The following FBLN1 variants were observed in gnomAD, a reference collection of about 807,000 sequenced individuals.
FBLN1 encodes fibulin-1.
A neutral mutation model predicts 89.7 loss-of-function variants in FBLN1; 34 were observed. The observed-to-expected ratio is 0.38, with a 90% CI of 0.29 to 0.50. The LOEUF (loss-of-function observed/expected upper bound fraction) is 0.50, where lower values mean the gene tolerates loss of function less well. Ranked by LOEUF, FBLN1 falls within the 20% of genes least tolerant of loss-of-function variation. FBLN1 has a pLI of 0.92. For missense variants in FBLN1, 777 were observed against 988.1 expected, an observed-to-expected ratio of 0.79 and a Z score of 2.86; for synonymous variants, 393 against 391.3, an observed-to-expected ratio of 1.00 and a Z score of -0.05.
chr22:45,505,103 G>T (rs1448454685), intron 1 of FBLN1, among the ~76,000 whole-genome samples: 1 of 152,208 alleles, frequency 6.6e-6, no homozygotes, highest in Non-Finnish European at 1.5e-5. Context: ...GGAGAAGGGC[G>T]CTGATCTTTC....
intron 4 of FBLN1, among the ~76,000 whole-genome samples, chr22:45,529,779 A>G (rs1417136655): frequency 2.0e-5 from 3 of 152,210 alleles, no homozygotes; most frequent in African/African-American, 7.2e-5. Flanking sequence ...GGCAGGGAGA[A>G]TCGCTTGAAC....
chr22:45,541,879 C>G (rs1209150306), intron 9 of FBLN1, among the ~76,000 whole-genome samples: 1 of 152,200 alleles, frequency 6.6e-6, no homozygotes, highest in East Asian at 1.9e-4. Context: ...CTCGCATAAC[C>G]CCCAGGACAC....
At chr22:45,524,559 C>T (rs2088294394) in intron 2 of FBLN1, among the ~76,000 whole-genome samples, 1 of 152,182 alleles carries the variant, frequency 6.6e-6, no homozygotes, top group South Asian at 2.1e-4. Flanking sequence ...CTCTCAGAAG[C>T]TGTTTGCTCT....
intron 16 of FBLN1, among the ~76,000 whole-genome samples, chr22:45,589,444 A>G (rs2089116968): frequency 1.3e-5 from 2 of 152,208 alleles, no homozygotes; most frequent in African/African-American, 2.4e-5. Context: ...TGTTCAGTCC[A>G]TGGCAGCGCA....
intron 12 of FBLN1, among the ~76,000 whole-genome samples, chr22:45,547,522 A>G: frequency 6.7e-6 from 1 of 149,846 alleles, no homozygotes; most frequent in African/African-American, 2.5e-5. Context: ...CAGCCTCCCA[A>G]GTAGTTGGGA....
chr22:45,580,337 G>A lies in FBLN1; in HGVS notation c.1972+3229G>A, dbSNP rs1000486115. 5.9e-5 allele frequency among the ~76,000 whole-genome samples: 9 copies of A among 152,140 alleles called. No homozygotes were observed. Among genetic ancestry groups the A allele is most frequent in the East Asian group, 1.9e-4 (1 of 5,150 alleles). On this transcript the variant is annotated intron_variant, in intron 16 of 16. Transcript: ENST00000327858. This position sits in a 1 kb window ranked among gnomAD's most constrained non-coding sequence, Gnocchi z 8.6. ...CTGCCTGCAGCACACGGCAGGGAAC[G>A]CCGCCTACTCACGGTGCTTGCTGAA...
intron 14 of FBLN1, chr22:45,558,253 T>G (rs1271154484): frequency 3.8e-6 from 2 of 530,458 alleles, no homozygotes; most frequent in African/African-American, 1.9e-5. Context: ...ATGCTGCTGT[T>G]CATGACCAAC....
intron 10 of FBLN1, 99 bp downstream of exon 10, chr22:45,542,382 C>T (rs944188458): frequency 1.9e-5 from 28 of 1,486,948 alleles, no homozygotes; most frequent in Non-Finnish European, 2.5e-5. Flanking sequence ...ATCCTCATCT[C>T]AGATAATCCC....
At chr22:45,585,809 C>T (rs758436527) in intron 16 of FBLN1, among the ~76,000 whole-genome samples, 7 of 152,152 alleles carry the variant, frequency 4.6e-5, no homozygotes, top group East Asian at 1.9e-4. Context: ...CTCCCTATGT[C>T]GTGACCCCAT....
chr22:45,542,033 G>C, intron 9 of FBLN1, 122 bp from the exon 10 acceptor site: 1 of 1,466,522 alleles, frequency 6.8e-7, no homozygotes, highest in East Asian at 2.3e-5. Flanking sequence ...GTGAAGTCGT[G>C]TTGAAATGGA....
Position 45,556,287 on chromosome 22 carries a change from C to T in FBLN1, c.1697+5672C>T, listed in dbSNP as rs1333862781. The stretch of plus-strand genomic sequence containing the variant: ...CTGGGATTACAGTCGTGAGCCACAG[C>T]ACCTGGCCATGTTTTTAAAAGAAGG... On this transcript the variant is annotated intron_variant, in intron 14 of 16. Coordinates refer to ENST00000327858, the MANE Select transcript of FBLN1 (RefSeq NM_006486.3). The surrounding 1 kb of genome is among the most constrained non-coding windows in gnomAD (Gnocchi z 4.6). Among the ~76,000 whole-genome samples the T allele has an allele frequency of 6.6e-6, 1 of 152,188 alleles. No individual in the cohort carries two copies. The highest frequency in any genetic ancestry group is 2.1e-4 in the South Asian group (1 of 4,830).
chr22:45,525,105 AAGAGAG>A, intron 2 of FBLN1, among the ~76,000 whole-genome samples: 1 of 142,202 alleles, frequency 7.0e-6, no homozygotes, highest in Non-Finnish European at 1.6e-5. Context: ...GAGAAAGGGA[AAGAGAG>A]AGAGAGAGAG....
rs1274525872 is a variant in FBLN1 at position 45,530,271 on chromosome 22, G to A, written c.485-994G>A. ...AGGATTTCTCCTGCATCTCGGGGGTGGATTTTCACTGATTTATGTCTGCAG... is the reference window on the plus strand; with the variant it reads ...AGGATTTCTCCTGCATCTCGGGGGTAGATTTTCACTGATTTATGTCTGCAG... On this transcript the variant is annotated intron_variant, in intron 4 of 16. Coordinates refer to ENST00000327858, the MANE Select transcript of FBLN1 (RefSeq NM_006486.3). This position sits in a 1 kb window ranked among gnomAD's most constrained non-coding sequence, Gnocchi z 5.4. 6.6e-6 allele frequency among the ~76,000 whole-genome samples: 1 copy of A among 151,808 alleles called. No homozygotes were observed. The highest frequency in any genetic ancestry group is 1.5e-5 in the Non-Finnish European group (1 of 67,920).
intron 1 of FBLN1, among the ~76,000 whole-genome samples, chr22:45,510,692 C>G (rs1041163691): frequency 6.6e-6 from 1 of 152,100 alleles, no homozygotes; most frequent in African/African-American, 2.4e-5. Context: ...CATCTGTAGT[C>G]TTAGAAAGAG....
At position 45,575,096 on chromosome 22, in the gene FBLN1, ACTTT is replaced by A. The variant is rs2088985151; in HGVS notation, c.1840+448_1840+451del. Among the ~76,000 whole-genome samples the A allele has an allele frequency of 6.6e-6, 1 of 152,078 alleles. No individual in the cohort carries two copies. The highest frequency in any genetic ancestry group is 2.1e-4 in the South Asian group (1 of 4,808). On this transcript the variant is annotated intron_variant, in intron 15 of 16. Coordinates refer to ENST00000327858, the MANE Select transcript of FBLN1 (RefSeq NM_006486.3). This position sits in a 1 kb window ranked among gnomAD's most constrained non-coding sequence, Gnocchi z 6.3. ...CGCGCCTGGCAACTTGACATGCAGA[ACTTT>A]CTTTGTGTCTGTGTCCCCCCCACAC...
intron 14 of FBLN1, among the ~76,000 whole-genome samples, chr22:45,571,136 AGAAAG>A (rs367725781): frequency 1.4e-5 from 2 of 142,776 alleles, no homozygotes; most frequent in African/African-American, 2.6e-5. Flanking sequence ...AAAAAAAAAA[AGAAAG>A]AAAGAAAAGG....
intron 16 of FBLN1, among the ~76,000 whole-genome samples, chr22:45,586,664 C>T (rs1412726908): frequency 1.3e-5 from 2 of 152,212 alleles, no homozygotes; most frequent in South Asian, 4.1e-4. Context: ...ATGCCTGAGC[C>T]ATCAGGGACT....
At chr22:45,506,827 A>G (rs965542558) in intron 1 of FBLN1, among the ~76,000 whole-genome samples, 1 of 152,234 alleles carries the variant, frequency 6.6e-6, no homozygotes, top group African/African-American at 2.4e-5. Flanking sequence ...GGCTCTGAGC[A>G]CTGGGCACCT....
rs1240252607 is a variant in FBLN1 at position 45,537,357 on chromosome 22, G to A, written c.922+2020G>A. Among the ~76,000 whole-genome samples, 3 of 152,128 alleles carry A rather than the reference G, an allele frequency of 2.0e-5. No individual in the cohort carries two copies. The highest frequency in any genetic ancestry group is 2.9e-5 in the Non-Finnish European group (2 of 68,028). ...GATGTGGCCGGGCACAGTGACTCAC[G>A]CCTGTAATTCTGGTACTTTGGGAGG... On this transcript the variant is annotated intron_variant, in intron 8 of 16. Transcript: ENST00000327858. This position sits in a 1 kb window ranked among gnomAD's most constrained non-coding sequence, Gnocchi z 5.7.
Sources: gnomAD v4.1 joint callset for allele counts (sites outside exome capture counted in the v4.1 genomes callset) on GRCh38, gnomAD v4.1.1 for gene constraint, Gnocchi (gnomAD v3.1) non-coding constraint, MANE v1.5 for transcripts, NCBI Gene and HGNC (gene_info 2026-07-23, HGNC 2026-07-21) for gene names.